Variants in CHODL observed in about 807,000 individuals in gnomAD.
CHODL encodes chondrolectin.
CHODL carries 29 observed loss-of-function variants against 34.5 expected under a neutral mutation model. That is an observed-to-expected ratio of 0.84 (90% confidence interval 0.63 to 1.15). The LOEUF is 1.15. Among genes scored for constraint, CHODL ranks in the 50% most tolerant of loss-of-function variants. The pLI, the probability that CHODL is intolerant of heterozygous loss-of-function variation, is 0.00. For synonymous variants in CHODL, 125 were observed against 116.1 expected (o/e 1.08, Z -0.49); for missense variants, 332 against 332.5 (o/e 1.00, Z 0.01).
At chr21:18,054,331 A>AT (rs573932049) in intron 2 of CHODL, among the ~76,000 whole-genome samples, 1 of 151,896 alleles carries the variant, frequency 6.6e-6, no homozygotes, top group Non-Finnish European at 1.5e-5. Flanking sequence ...TTTTTCTCCA[A>AT]TTTTTTATAT....
intron 2 of CHODL, among the ~76,000 whole-genome samples, chr21:18,208,245 G>A (rs2073735537): frequency 6.8e-6 from 1 of 146,084 alleles, no homozygotes. Flanking sequence ...TCTTTCTTCT[G>A]CTTGATCAAT....
intron 1 of CHODL, among the ~76,000 whole-genome samples, chr21:18,025,565 T>A (rs1176621599): frequency 6.6e-6 from 1 of 152,212 alleles, no homozygotes; most frequent in Non-Finnish European, 1.5e-5. Flanking sequence ...CATAGCATTC[T>A]TAATTTTCAA....
intron 2 of CHODL, among the ~76,000 whole-genome samples, chr21:18,061,299 A>T (rs1359936925): frequency 6.6e-6 from 1 of 152,214 alleles, no homozygotes; most frequent in East Asian, 1.9e-4. Flanking sequence ...GATGACTTTG[A>T]TGATAAGTCC....
chr21:18,222,925 G>A (rs1216786387), intron 2 of CHODL, among the ~76,000 whole-genome samples: 1 of 152,170 alleles, frequency 6.6e-6, no homozygotes, highest in Non-Finnish European at 1.5e-5. Context: ...AGGATGCAAG[G>A]AGATTCTCCG....
chr21:18,243,270 A>T (rs984864866), upstream of CHODL, among the ~76,000 whole-genome samples: 1 of 152,172 alleles, frequency 6.6e-6, no homozygotes, highest in African/African-American at 2.4e-5. Context: ...CTCTCCTACC[A>T]TGGCTATGCC....
intron 3 of CHODL, among the ~76,000 whole-genome samples, chr21:18,258,556 TGTATTAG>T (rs1436997619): frequency 6.6e-6 from 1 of 152,126 alleles, no homozygotes; most frequent in African/African-American, 2.4e-5. Flanking sequence ...TACTTGTTTA[TGTATTAG>T]GTAATCTAGG....
At chr21:18,140,824 C>A (rs2072792111) in intron 2 of CHODL, among the ~76,000 whole-genome samples, 1 of 151,930 alleles carries the variant, frequency 6.6e-6, no homozygotes, top group Admixed American at 6.6e-5. Flanking sequence ...TGAAAAACAC[C>A]CATCTGTTTG....
rs532501235 is a variant in CHODL at position 18,128,232 on chromosome 21, T to C, written c.-45+100261T>C. On this transcript the variant is annotated intron_variant, in intron 2 of 6. Coordinates refer to the CHODL transcript ENST00000400127. ...AGGAGAATGGTGTGAACCTGGGAGG[T>C]GGAGCTTGCAGTGAGCCCAGATCGC... 1.7e-3 allele frequency among the ~76,000 whole-genome samples: 213 copies of C among 126,232 alleles called. 1 individual carries two copies. Among genetic ancestry groups the C allele is most frequent in the Admixed American group, 4.0e-3 (41 of 10,130 alleles). 82.8% of individuals were successfully genotyped at this position (126,232 alleles called of 152,430 possible).
chr21:17,934,535 A>G (rs1188347664), intron 1 of CHODL, among the ~76,000 whole-genome samples: 1 of 151,806 alleles, frequency 6.6e-6, no homozygotes, highest in Non-Finnish European at 1.5e-5. Flanking sequence ...CTCCATTGTT[A>G]TTCAAGCCAT....
rs1049987313 is a variant in CHODL, at chr21:18,117,268, G to A, written c.-45+89297G>A. On this transcript the variant is annotated intron_variant, in intron 2 of 6. Transcript: ENST00000400127. The stretch of plus-strand genomic sequence containing the variant: ...TGGCTGGGCAGAAACTTGGACAGCT[G>A]GAGCCCCCAGGCCTGTTGTGTTAGA... Among the ~76,000 whole-genome samples the A allele has an allele frequency of 2.1e-4, 32 of 152,314 alleles. 1 individual carries two copies. The highest frequency in any genetic ancestry group is 7.2e-4 in the African/African-American group (30 of 41,574).
chr21:18,211,261 C>T (rs946304320), intron 2 of CHODL, among the ~76,000 whole-genome samples: 7 of 151,988 alleles, frequency 4.6e-5, no homozygotes, highest in African/African-American at 1.5e-4. Context: ...TACATAGTCT[C>T]TTCATTTACT....
chr21:17,930,163 C>T (rs973068403), intron 1 of CHODL, among the ~76,000 whole-genome samples: 1 of 152,142 alleles, frequency 6.6e-6, no homozygotes, highest in South Asian at 2.1e-4. Context: ...GTGGATACCA[C>T]CACTGTTTCT....
rs1355449288 is a variant in CHODL at position 18,260,244 on chromosome 21, C to T, written c.592C>T (p.Gln198Ter). 4 of 1,580,566 alleles carry T rather than the reference C, an allele frequency of 2.5e-6. No individual in the cohort carries two copies. Among genetic ancestry groups the T allele is most frequent in the Non-Finnish European group, 3.4e-6 (4 of 1,166,642 alleles). ...APVEKPYLTN[Q>*]PGDTHQNVVV... ...TGTAGAAAAGCCTTATCTTACAAAT[C>T]AACCAGGAGACACCCATCAGAATGT... is the stretch of plus-strand genomic sequence containing the variant. Residue 198 changes from glutamine to a stop codon, truncating the protein, a stop_gained, in exon 4 of 6, where the codon CAA becomes TAA. Transcript: ENST00000299295. LOFTEE classifies it high-confidence loss of function.
At chr21:17,961,260 A>G (rs1034593312) in intron 1 of CHODL, among the ~76,000 whole-genome samples, 1 of 152,182 alleles carries the variant, frequency 6.6e-6, no homozygotes, top group Non-Finnish European at 1.5e-5. Context: ...TAAGCTCATG[A>G]CCATTGAAGT....
intron 2 of CHODL, chr21:18,034,609 A>C (rs1023759562): frequency 6.6e-6 from 1 of 152,034 alleles, no homozygotes; most frequent in Non-Finnish European, 1.5e-5. Context: ...GAGGGTCTCC[A>C]TTCTCCTGTG....
rs2072785462 is a variant in CHODL at position 18,140,291 on chromosome 21, G to C, written c.-45+112320G>C. ...TTCTTACAAAATGGGAGGCAAACTT[G>C]ATAATCCCTAAAATTTAAAAATGTA... is the stretch of plus-strand genomic sequence containing the variant. On this transcript the variant is annotated intron_variant, in intron 2 of 6. Coordinates refer to the CHODL transcript ENST00000400127. Among the ~76,000 whole-genome samples the C allele has an allele frequency of 3.3e-5, 5 of 152,122 alleles. No individual in the cohort carries two copies. In the South Asian group the frequency reaches 1.0e-3, roughly 31 times the overall value.
intron 1 of CHODL, among the ~76,000 whole-genome samples, chr21:17,931,243 TGACA>T (rs2063270817): frequency 6.6e-6 from 1 of 152,178 alleles, no homozygotes; most frequent in African/African-American, 2.4e-5. Context: ...TCTGCTTCTG[TGACA>T]GACAGCTTTT....
chr21:18,207,175 G>T (rs1263932536), intron 2 of CHODL, among the ~76,000 whole-genome samples: 4 of 151,902 alleles, frequency 2.6e-5, no homozygotes, highest in Non-Finnish European at 4.4e-5. Flanking sequence ...GAGAATGATG[G>T]TTTCCAGCTT....
At chr21:18,212,247 T>C (rs2073781919) in intron 2 of CHODL, among the ~76,000 whole-genome samples, 1 of 152,160 alleles carries the variant, frequency 6.6e-6, no homozygotes, top group Non-Finnish European at 1.5e-5. Flanking sequence ...AACAATATCA[T>C]AGTTAATAGC....
Sources: gnomAD v4.1 joint callset for allele counts (sites outside exome capture counted in the v4.1 genomes callset) on GRCh38, gnomAD v4.1.1 for gene constraint, MANE v1.5 for transcripts, NCBI Gene and HGNC (gene_info 2026-07-23, HGNC 2026-07-21) for gene names.